RNF213: variants seen among roughly 807,000 people sequenced by gnomAD.
The protein encoded by RNF213 is E3 ubiquitin-protein ligase RNF213.
A neutral mutation model predicts 514.4 loss-of-function variants in RNF213; 341 were observed. The observed-to-expected ratio is 0.66, with a 90% CI of 0.61 to 0.73. RNF213 has a LOEUF of 0.73. Ranked by LOEUF, RNF213 falls within the 30% of genes least tolerant of loss-of-function variation. The pLI, the probability that RNF213 is intolerant of heterozygous loss-of-function variation, is 0.00. For missense variants in RNF213, 5,767 were observed against 6,615.6 expected (o/e 0.87, Z 4.45); for synonymous variants, 2,655 against 2,658.2 (o/e 1.00, Z 0.04).
chr17:80,335,529 T>G (rs995630737), intron 22 of RNF213, among the ~76,000 whole-genome samples: 22 of 152,216 alleles, frequency 1.4e-4, no homozygotes, highest in Admixed American at 1.4e-3. Context: ...CATAGTTAAT[T>G]GTGAACATGT....
Position 80,353,787 on chromosome 17 carries a change from C to A in RNF213, c.10578+121C>A. 7.3e-7 allele frequency: 1 copy of A among 1,376,522 alleles called. No homozygotes were observed. The highest frequency in any genetic ancestry group is 1.2e-5 in the South Asian group (1 of 83,904). The allele number at this position is 1,376,522 out of a possible 1,614,324, so 85.3% of individuals were successfully genotyped here. On this transcript the variant is annotated intron_variant, in intron 34 of 67. Transcript: ENST00000582970. This position sits in a 1 kb window ranked among gnomAD's most constrained non-coding sequence, Gnocchi z 5.0. ...CGCCGCTGTGCAGGGGTGAGGATGGCGCCCCACTTTCCTCACACAGTGACG... is the reference window on the plus strand; with the variant it reads ...CGCCGCTGTGCAGGGGTGAGGATGGAGCCCCACTTTCCTCACACAGTGACG...
rs377493355 is a variant in RNF213, at chr17:80,361,773, C to T, written c.11240C>T (p.Pro3747Leu). ...KKFVDIFQQT[P>L]LGRFLAQLHG... ...TTCGTGGACATCTTTCAGCAGACTC[C>T]TCTGGGCAGGTTTCTTGCCCAGCTC... Residue 3747 changes from proline to leucine, a missense_variant, in exon 39 of 68, where the codon CCT becomes CTT. By Grantham distance (98) the Pro-to-Leu change is moderately conservative. Around this residue, in one of 13 missense-constraint regions of RNF213, gnomAD observed 355 missense variants for 358.0 expected, o/e 0.99. Transcript: ENST00000582970. The T allele has an allele frequency of 1.2e-6, 2 of 1,614,050 alleles. No homozygotes were observed. The highest frequency in any genetic ancestry group is 1.3e-5 in the African/African-American group (1 of 75,052).
At chr17:80,351,978 C>T (rs926354040) in intron 32 of RNF213, 175 bp downstream of exon 32, 1 of 488,840 alleles carries the variant, frequency 2.0e-6, no homozygotes, top group Non-Finnish European at 3.8e-6. Context: ...CCTCAGCCTC[C>T]CAAGTAGCTG....
chr17:80,378,510 G>C (rs2079853437), intron 54 of RNF213, among the ~76,000 whole-genome samples: 1 of 152,192 alleles, frequency 6.6e-6, no homozygotes, highest in African/African-American at 2.4e-5. Flanking sequence ...CTGGAGTGCA[G>C]AGTGACATGA....
Position 80,395,056 on chromosome 17 carries a change from CA to C in RNF213, c.*1559del, listed in dbSNP as rs1250856790. The C allele has an allele frequency of 2.0e-5, 3 of 152,252 alleles. No homozygotes were observed. Among genetic ancestry groups the C allele is most frequent in the East Asian group, 1.9e-4 (1 of 5,188 alleles). The allele number at this position is 152,252 out of a possible 1,614,324, so 9.4% of individuals were successfully genotyped here. On this transcript the variant is annotated 3_prime_UTR_variant, in exon 68 of 68. Coordinates refer to ENST00000582970, the MANE Select transcript of RNF213 (RefSeq NM_001256071.3). Reference sequence around the variant, plus strand: ...CCCAGACTCACTGGCCACACCTCAGCAGGGGGGGAGTCGAGTGTCAGTCTCT... The same window carrying C: ...CCCAGACTCACTGGCCACACCTCAGCGGGGGGGAGTCGAGTGTCAGTCTCT...
At position 80,334,951 on chromosome 17, in the gene RNF213, C is replaced by T. The variant is rs868042291; in HGVS notation, c.4309+681C>T. Among the ~76,000 whole-genome samples, 166 of 144,630 alleles carry T rather than the reference C, an allele frequency of 1.1e-3. 1 individual carries two copies. The highest frequency in any genetic ancestry group is 3.9e-3 in the African/African-American group (151 of 38,914). The allele number at this position is 144,630 out of a possible 152,430, so 94.9% of individuals were successfully genotyped here. The stretch of plus-strand genomic sequence containing the variant: ...TTTTTTTTTTTTTGAGACGGAGTTT[C>T]GCTCTTGTTGCCCAGGCTGGAGTGC... On this transcript the variant is annotated intron_variant, in intron 22 of 67. Coordinates refer to ENST00000582970, the MANE Select transcript of RNF213 (RefSeq NM_001256071.3).
chr17:80,288,632 G>A lies in RNF213; in HGVS notation c.811-1G>A. The A allele has an allele frequency of 6.2e-7, 1 of 1,614,192 alleles. No homozygotes were observed. Among genetic ancestry groups the A allele is most frequent in the Non-Finnish European group, 8.5e-7 (1 of 1,180,046 alleles). ...TGGCTCTGGTGTTTGGGGTCTTTCA[G>A]GCAGTTGATGCTGTAGCTGAGCCAG... On this transcript the variant is annotated splice_acceptor_variant, in intron 4 of 67. Coordinates refer to ENST00000582970, the MANE Select transcript of RNF213 (RefSeq NM_001256071.3). LOFTEE classifies it high-confidence loss of function. The surrounding 1 kb of genome is among the most constrained non-coding windows in gnomAD (Gnocchi z 4.9).
chr17:80,379,746 C>T (rs1568161003), intron 55 of RNF213, 32 bp downstream of exon 55: 2 of 1,584,970 alleles, frequency 1.3e-6, no homozygotes, highest in South Asian at 1.1e-5. Flanking sequence ...TTCCTAAGTA[C>T]TCAAACTTTG....
rs2044575880 is a variant in RNF213, at chr17:80,288,908, G to C, written c.933+153G>C. Among the ~76,000 whole-genome samples, 1 of 152,196 alleles carries C rather than the reference G, an allele frequency of 6.6e-6. No homozygotes were observed. The highest frequency in any genetic ancestry group is 2.1e-4 in the South Asian group (1 of 4,832). On this transcript the variant is annotated intron_variant, in intron 5 of 67. Transcript: ENST00000582970. This position sits in a 1 kb window ranked among gnomAD's most constrained non-coding sequence, Gnocchi z 4.9. The stretch of plus-strand genomic sequence containing the variant: ...CCTTCGGGGTGCTCACATTCCAGCG[G>C]AGAGAGAGTCAGGAAACCGACTTCA...
intron 56 of RNF213, 60 bp from the exon 57 acceptor site, chr17:80,381,487 C>G: frequency 6.4e-7 from 1 of 1,574,450 alleles, no homozygotes. Context: ...CTCTACCAGG[C>G]TCACCATCTT....
Position 80,367,983 on chromosome 17 carries a change from A to G in RNF213, c.11995A>G (p.Ile3999Val), listed in dbSNP as rs781152962. The change falls in exon 44 of 68, where the codon ATC becomes GTC. Residue 3999 changes from isoleucine (I) to valine (V), a missense_variant. Physicochemically the swap from Ile to Val is conservative, Grantham distance 29. Coordinates refer to ENST00000582970, the MANE Select transcript of RNF213 (RefSeq NM_001256071.3). ...LSRFGIQPCS[I>V]CLGDAKDPVC... Reference sequence around the variant, plus strand: ...TAGGTTTGGGATTCAGCCGTGCTCCATCTGCCTGGGAGATGCAAAGGACCC... The same window carrying G: ...TAGGTTTGGGATTCAGCCGTGCTCCGTCTGCCTGGGAGATGCAAAGGACCC... 10 of 1,614,120 alleles carry G rather than the reference A, an allele frequency of 6.2e-6. No individual in the cohort carries two copies. The African/African-American group carries it at 1.3e-4, about 22-fold the overall frequency.
At position 80,322,317 on chromosome 17, in the gene RNF213, T is replaced by C. The variant is rs554442661; in HGVS notation, c.3025-2713T>C. ...CAGGGACTACAGGCATGTGCCACCA[T>C]GTTCAGCTAATTAAAAAAAAAATTT... On this transcript the variant is annotated intron_variant, in intron 17 of 67. Transcript: ENST00000582970. Among the ~76,000 whole-genome samples, 395 of 151,736 alleles carry C rather than the reference T, an allele frequency of 2.6e-3. 1 individual carries two copies. The highest frequency in any genetic ancestry group is 9.0e-3 in the African/African-American group (374 of 41,414).
intron 26 of RNF213, 81 bp downstream of exon 26, chr17:80,340,437 G>C (rs975758864): frequency 6.1e-5 from 81 of 1,334,682 alleles, no homozygotes; most frequent in Non-Finnish European, 7.3e-5. Context: ...GATGAAGCCT[G>C]TCTGCAGGTG....
intron 22 of RNF213, 70 bp from the exon 23 acceptor site, chr17:80,336,091 A>T (rs1403394703): frequency 6.3e-6 from 8 of 1,275,424 alleles, no homozygotes; most frequent in Non-Finnish European, 8.7e-6. Context: ...AGTAAGGATT[A>T]CTGCCCAAGA....
In RNF213 at chr17:80,386,907, G is replaced by A; in HGVS notation, c.14922+16G>A. The A allele has an allele frequency of 6.2e-7, 1 of 1,601,288 alleles. No homozygotes were observed. Among genetic ancestry groups the A allele is most frequent in the Non-Finnish European group, 8.5e-7 (1 of 1,174,036 alleles). On this transcript the variant is annotated intron_variant, in intron 63 of 67. Transcript: ENST00000582970. ...GAGCCTCAAGGTAGGGCTGACTCCT[G>A]CCACTGCTGCTCATTTGGTGTGTCT... is the stretch of plus-strand genomic sequence containing the variant.
rs1387944151 is a variant in RNF213, at chr17:80,301,146, T to C, written c.2210+2628T>C. 2.6e-5 allele frequency among the ~76,000 whole-genome samples: 4 copies of C among 152,334 alleles called. No homozygotes were observed. In the East Asian group the frequency reaches 7.7e-4, roughly 29 times the overall value. ...CTGTGCAAAAGCTCCTCAGTTTAATTAGTTCTTATTTGTCAATTTTTGCTT... is the reference window on the plus strand; with the variant it reads ...CTGTGCAAAAGCTCCTCAGTTTAATCAGTTCTTATTTGTCAATTTTTGCTT... On this transcript the variant is annotated intron_variant, in intron 11 of 67. Transcript: ENST00000582970.
At chr17:80,349,268 C>T (rs551477219) in intron 29 of RNF213, among the ~76,000 whole-genome samples, 1 of 152,264 alleles carries the variant, frequency 6.6e-6, no homozygotes, top group South Asian at 2.1e-4. Context: ...ACGTAGGAAT[C>T]TGAGCTCAGT....
chr17:80,375,775 C>G lies in RNF213; in HGVS notation c.13090C>G (p.Gln4364Glu). 6.2e-7 allele frequency: 1 copy of G among 1,613,888 alleles called. No individual in the cohort carries two copies. Among genetic ancestry groups the G allele is most frequent in the South Asian group, 1.1e-5 (1 of 91,078 alleles). Residue 4364 changes from glutamine to glutamate, a missense_variant, in exon 51 of 68, where the codon CAA (glutamine) becomes GAA (glutamate). Transcript: ENST00000582970. Reference protein sequence around the residue: ...KTALKACKTPQSQQSAYFLLT... With the variant: ...KTALKACKTPESQQSAYFLLT... ...GATTTTGCAGGCCTGCAAGACCCCC[C>G]AAAGCCAGCAGTCAGCCTACTTCCT...
Position 80,337,743 on chromosome 17 carries a change from C to G in RNF213, c.4668+17C>G, listed in dbSNP as rs1235400362. ...GGCCAAAAGGTGAGCGGTCCCCAGC[C>G]CTCGGCGCAGCTGCGGCCCTTCTGC... On this transcript the variant is annotated intron_variant, in intron 24 of 67. Transcript: ENST00000582970. 1 of 1,537,286 alleles carries G rather than the reference C, an allele frequency of 6.5e-7. No individual in the cohort carries two copies. Among genetic ancestry groups the G allele is most frequent in the Non-Finnish European group, 8.7e-7 (1 of 1,146,918 alleles).
Sources: allele counts gnomAD v4.1 joint callset (sites outside exome capture counted in the v4.1 genomes callset), GRCh38; gene constraint gnomAD v4.1.1; regional missense constraint gnomAD v4.1.1; non-coding constraint Gnocchi (gnomAD v3.1); transcripts MANE v1.5; gene names NCBI Gene and HGNC (gene_info 2026-07-23, HGNC 2026-07-21).